The following BLTP2 variants were observed in gnomAD, a reference collection of about 807,000 sequenced individuals.
BLTP2 encodes U937-associated antigen.
the BLTP2 span, among the ~76,000 whole-genome samples, chr17:28,624,952 G>A: frequency 3.3e-5 from 5 of 152,176 alleles, no homozygotes; most frequent in Non-Finnish European, 5.9e-5. Flanking sequence ...AATCAGACTA[G>A]TCTGCCTGTA....
At chr17:28,637,114 T>C in the BLTP2 span, 3 of 1,614,052 alleles carry the variant, frequency 1.9e-6, no homozygotes, top group Non-Finnish European at 2.5e-6. Context: ...ATCCCCACAG[T>C]GGACGTCTCT....
the BLTP2 span, among the ~76,000 whole-genome samples, chr17:28,629,313 CAG>C: frequency 1.4e-4 from 21 of 151,462 alleles, no homozygotes; most frequent in Non-Finnish European, 5.9e-5. Flanking sequence ...TTTTTTGAGA[CAG>C]AGTCTCACTC....
At chr17:28,624,810 G>A in the BLTP2 span, among the ~76,000 whole-genome samples, 1 of 151,946 alleles carries the variant, frequency 6.6e-6, no homozygotes, top group Non-Finnish European at 1.5e-5. Context: ...CCCTGATTAT[G>A]TCTCCAGGCC....
the BLTP2 span, chr17:28,644,023 C>T: frequency 6.2e-7 from 1 of 1,610,620 alleles, no homozygotes; most frequent in African/African-American, 1.3e-5. Context: ...ATTGGATCAA[C>T]CCTACACACA....
chr17:28,633,732 T>C, the BLTP2 span: 2 of 1,613,892 alleles, frequency 1.2e-6, no homozygotes, highest in African/African-American at 1.3e-5. Context: ...CCCACACCAC[T>C]GTGTACTGGA....
the BLTP2 span, chr17:28,639,707 G>A: frequency 4.6e-6 from 7 of 1,513,084 alleles, no homozygotes; most frequent in South Asian, 4.5e-5. Context: ...AACTGGGAGA[G>A]GGTCAGAAGC....
At chr17:28,643,238 G>C in the BLTP2 span, 1 of 1,614,022 alleles carries the variant, frequency 6.2e-7, no homozygotes, top group Non-Finnish European at 8.5e-7. Context: ...TGGGAGAATG[G>C]GGCAGACAGG....
At chr17:28,630,534 G>A in the BLTP2 span, among the ~76,000 whole-genome samples, 6 of 144,428 alleles carry the variant, frequency 4.2e-5, no homozygotes, top group Non-Finnish European at 9.0e-5. Flanking sequence ...AGCTTGGAGC[G>A]CACTGGTGTG....
At chr17:28,640,128 C>T in the BLTP2 span, 364 of 1,311,016 alleles carry the variant, frequency 2.8e-4, 3 homozygotes, top group South Asian at 4.8e-3. Context: ...GGCGCAGTGG[C>T]TCACTCTTGT....
At chr17:28,630,460 C>CCA in the BLTP2 span, among the ~76,000 whole-genome samples, 4 of 151,348 alleles carry the variant, frequency 2.6e-5, no homozygotes, top group African/African-American at 7.3e-5. Context: ...AGCCCAGCCC[C>CCA]CACTGTTTTT....
the BLTP2 span, chr17:28,633,796 C>T: frequency 6.2e-7 from 1 of 1,600,702 alleles, no homozygotes; most frequent in Non-Finnish European, 8.6e-7. Flanking sequence ...CAACATTACC[C>T]CTCTCTTCCT....
At chr17:28,637,861 G>A in the BLTP2 span, 1 of 1,614,120 alleles carries the variant, frequency 6.2e-7, no homozygotes, top group Non-Finnish European at 8.5e-7. Context: ...GGGTAAACAA[G>A]TTCATGTCTT....
chr17:28,620,074 G>A, the BLTP2 span: 1 of 1,487,482 alleles, frequency 6.7e-7, no homozygotes, highest in East Asian at 2.3e-5. Context: ...TTGTAGTAAA[G>A]TGAAATAGAG....
chr17:28,644,486 A>T, the BLTP2 span, among the ~76,000 whole-genome samples: 1 of 152,224 alleles, frequency 6.6e-6, no homozygotes, highest in Admixed American at 6.5e-5. Flanking sequence ...CCCCAGCAAG[A>T]GTCAAAGCGG....
the BLTP2 span, among the ~76,000 whole-genome samples, chr17:28,641,095 C>A: frequency 6.6e-6 from 1 of 152,256 alleles, no homozygotes; most frequent in South Asian, 2.1e-4. Flanking sequence ...GTTCCAGGAC[C>A]CCCTGCAGAT....
chr17:28,644,314 T>A, the BLTP2 span: 1 of 998,586 alleles, frequency 1.0e-6, no homozygotes. Flanking sequence ...TCTCCTTTCT[T>A]CCAAAGCACC....
the BLTP2 span, chr17:28,615,661 T>C: frequency 1.2e-6 from 2 of 1,613,884 alleles, no homozygotes; most frequent in Non-Finnish European, 1.7e-6. Flanking sequence ...CCTGGCGGGA[T>C]ACCTGGGCAA....
the BLTP2 span, among the ~76,000 whole-genome samples, chr17:28,622,999 C>T: frequency 2.6e-5 from 4 of 152,058 alleles, no homozygotes; most frequent in South Asian, 2.1e-4. Context: ...GGCTTGAACC[C>T]GGGAGGCAGA....
At chr17:28,625,449 T>C in the BLTP2 span, among the ~76,000 whole-genome samples, 1 of 152,210 alleles carries the variant, frequency 6.6e-6, no homozygotes, top group Non-Finnish European at 1.5e-5. Context: ...AATATCTATC[T>C]TTAGCCCTAA....
Sources: gnomAD v4.1 joint callset for allele counts (sites outside exome capture counted in the v4.1 genomes callset) on GRCh38, gnomAD v4.1.1 for gene constraint, MANE v1.5 for transcripts, NCBI Gene and HGNC (gene_info 2026-07-23, HGNC 2026-07-21) for gene names.